CA10: variants seen among roughly 807,000 people sequenced by gnomAD.
CA10 encodes the protein carbonic anhydrase 10 (inactive).
In CA10, 14 loss-of-function variants were observed where a neutral mutation model predicts 44.2. The ratio of observed to expected loss-of-function variants is 0.32; its 90% CI spans 0.21 to 0.50. The LOEUF is 0.50. Among genes scored for constraint, CA10 ranks in the 20% least tolerant of loss-of-function variants. CA10 has a pLI of 0.99. For missense variants in CA10, 350 were observed against 409.7 expected (o/e 0.85, Z 1.26); for synonymous variants, 159 against 141.6 (o/e 1.12, Z -0.87).
intron 2 of CA10, among the ~76,000 whole-genome samples, chr17:52,006,957 TTTGA>T (rs1985621311): frequency 6.6e-6 from 1 of 151,790 alleles, no homozygotes; most frequent in African/African-American, 2.4e-5. Context: ...GTTATAATTT[TTTGA>T]TTGTTGTTAA....
In CA10 at chr17:52,157,718, TC is replaced by T. The variant is rs34449660; in HGVS notation, c.61+7del. The T allele has an allele frequency of 6.2e-7, 1 of 1,613,288 alleles. No individual in the cohort carries two copies. Among genetic ancestry groups the T allele is most frequent in the African/African-American group, 1.3e-5 (1 of 74,832 alleles). On this transcript the variant is annotated splice_region_variant and intron_variant, in intron 1 of 8. Transcript: ENST00000451037. ...CAAATCAGCCAGTGACTTCGGCGCG[TC>T]CCGTACCTGATATGCAGACGATGAA...
intron 3 of CA10, among the ~76,000 whole-genome samples, chr17:51,780,858 C>G (rs952391493): frequency 1.3e-5 from 2 of 152,150 alleles, no homozygotes; most frequent in African/African-American, 2.4e-5. Flanking sequence ...CCGTGAAGAG[C>G]AAGGAAGCAA....
chr17:51,972,755 G>A (rs1984326387), intron 2 of CA10, among the ~76,000 whole-genome samples: 2 of 151,532 alleles, frequency 1.3e-5, no homozygotes, highest in Non-Finnish European at 2.9e-5. Context: ...AAATTAGTAA[G>A]TAAAGGAGAG....
At chr17:51,989,523 T>C (rs543339798) in intron 2 of CA10, among the ~76,000 whole-genome samples, 1 of 152,230 alleles carries the variant, frequency 6.6e-6, no homozygotes, top group South Asian at 2.1e-4. Context: ...TGCAGCACTA[T>C]TCATGATAGC....
At chr17:51,784,737 G>A (rs999767542) in intron 3 of CA10, among the ~76,000 whole-genome samples, 2 of 152,170 alleles carry the variant, frequency 1.3e-5, no homozygotes, top group Admixed American at 6.5e-5. Context: ...CATGGAGAAC[G>A]GAGTATCCAT....
chr17:51,768,984 T>C (rs1905495554), intron 3 of CA10, among the ~76,000 whole-genome samples: 1 of 152,186 alleles, frequency 6.6e-6, no homozygotes, highest in African/African-American at 2.4e-5. Context: ...CCAGGGCTGC[T>C]CTTGAAATTG....
chr17:51,825,640 A>G (rs1428702103), intron 3 of CA10, among the ~76,000 whole-genome samples: 1 of 152,200 alleles, frequency 6.6e-6, no homozygotes, highest in Non-Finnish European at 1.5e-5. Flanking sequence ...ACTGGACTTC[A>G]CATATTTCAC....
chr17:51,895,315 A>G (rs546080457), intron 3 of CA10, among the ~76,000 whole-genome samples: 51 of 152,236 alleles, frequency 3.4e-4, no homozygotes, highest in Admixed American at 3.1e-3. Context: ...GGAAAACAAC[A>G]GACCAATGCC....
chr17:52,088,512 C>G (rs1988178175), intron 1 of CA10, among the ~76,000 whole-genome samples: 1 of 152,120 alleles, frequency 6.6e-6, no homozygotes, highest in Non-Finnish European at 1.5e-5. Context: ...ACCTTTTGTT[C>G]TTCCATTATT....
At chr17:51,802,431 C>T (rs1034232297) in intron 3 of CA10, among the ~76,000 whole-genome samples, 1 of 152,094 alleles carries the variant, frequency 6.6e-6, no homozygotes, top group African/African-American at 2.4e-5. Flanking sequence ...AAATGCCTGG[C>T]AGAGTCAATA....
chr17:51,818,823 A>C (rs1228839731), intron 3 of CA10, among the ~76,000 whole-genome samples: 1 of 152,216 alleles, frequency 6.6e-6, no homozygotes, highest in Non-Finnish European at 1.5e-5. Context: ...TGTGTAAAAC[A>C]AGAATAATAA....
At chr17:51,654,551 A>G (rs911462528) in intron 4 of CA10, among the ~76,000 whole-genome samples, 3 of 138,112 alleles carry the variant, frequency 2.2e-5, no homozygotes, top group African/African-American at 7.6e-5. Flanking sequence ...AACAGTATGG[A>G]AGCCTAATTT....
At chr17:51,787,026 C>T (rs1906315825) in intron 3 of CA10, among the ~76,000 whole-genome samples, 1 of 152,186 alleles carries the variant, frequency 6.6e-6, no homozygotes, top group African/African-American at 2.4e-5. Context: ...GATAATCTCA[C>T]TTGGCCATGA....
chr17:51,901,436 C>T (rs929151302), intron 3 of CA10, among the ~76,000 whole-genome samples: 2 of 152,124 alleles, frequency 1.3e-5, no homozygotes, highest in African/African-American at 4.8e-5. Context: ...TAGGGGGTGC[C>T]AGCCAAAGTG....
chr17:51,689,302 C>T (rs939555881), intron 4 of CA10, among the ~76,000 whole-genome samples: 6 of 152,288 alleles, frequency 3.9e-5, no homozygotes, highest in South Asian at 2.1e-4. Context: ...TAAGGCTTAG[C>T]GAGGCTAAAT....
At chr17:51,654,545 G>A (rs546080161) in intron 4 of CA10, among the ~76,000 whole-genome samples, 3 of 146,040 alleles carry the variant, frequency 2.1e-5, no homozygotes, top group African/African-American at 7.4e-5. Flanking sequence ...TTTCTTAACA[G>A]TATGGAAGCC....
intron 2 of CA10, among the ~76,000 whole-genome samples, chr17:52,020,831 A>G (rs922181501): frequency 2.6e-5 from 4 of 151,822 alleles, no homozygotes; most frequent in Non-Finnish European, 4.4e-5. Flanking sequence ...CAGTGTCCCT[A>G]GTTCTATTGT....
chr17:51,643,539 G>C (rs1442777494), intron 6 of CA10, among the ~76,000 whole-genome samples: 1 of 152,142 alleles, frequency 6.6e-6, no homozygotes, highest in African/African-American at 2.4e-5. Flanking sequence ...CCCAGTTAGA[G>C]TGTTTTATAA....
At chr17:52,156,422 CAG>C (rs1192286693) in intron 1 of CA10, among the ~76,000 whole-genome samples, 2 of 152,210 alleles carry the variant, frequency 1.3e-5, no homozygotes, top group African/African-American at 2.4e-5. Context: ...TGATGTATCA[CAG>C]AGACAAATTT....
Sources: gnomAD v4.1 joint callset for allele counts (sites outside exome capture counted in the v4.1 genomes callset) on GRCh38, gnomAD v4.1.1 for gene constraint, MANE v1.5 for transcripts, NCBI Gene and HGNC (gene_info 2026-07-23, HGNC 2026-07-21) for gene names.